ANKRD11: variants seen among roughly 807,000 people sequenced by gnomAD.
The protein encoded by ANKRD11 is ankyrin repeat domain 11.
Under a neutral mutation model 195.7 loss-of-function variants are expected in ANKRD11, and 17 were observed. That is an observed-to-expected ratio of 0.09 (90% CI 0.06 to 0.13). ANKRD11 has a LOEUF of 0.13. Among genes scored for constraint, ANKRD11 ranks in the 10% least tolerant of loss-of-function variants. The probability of loss-of-function intolerance (pLI) is 1.00; values close to 1 mark genes in which losing one functional copy is unlikely to be tolerated. For synonymous variants in ANKRD11, 1,953 were observed against 1,528.1 expected, an observed-to-expected ratio of 1.28 and a Z score of -6.49; for missense variants, 3,735 against 3,566.1, an observed-to-expected ratio of 1.05 and a Z score of -1.21.
chr16:89,325,870 C>T (rs1001511354), intron 2 of ANKRD11, among the ~76,000 whole-genome samples: 2 of 152,156 alleles, frequency 1.3e-5, no homozygotes, highest in African/African-American at 4.8e-5. Flanking sequence ...AAGGAGGGCC[C>T]CATCGCCCTG....
chr16:89,433,582 G>C (rs188355153), intron 1 of ANKRD11, among the ~76,000 whole-genome samples: 211 of 152,340 alleles, frequency 1.4e-3, no homozygotes, highest in African/African-American at 4.6e-3. Flanking sequence ...CGTGGGGGCT[G>C]GGCACACCAC....
intron 6 of ANKRD11, chr16:89,288,899 G>A (rs1254232259): frequency 1.6e-5 from 10 of 617,446 alleles, no homozygotes; most frequent in East Asian, 8.3e-5. Context: ...TTAACCCTAC[G>A]GACTGACAAC....
At chr16:89,327,589 G>C (rs2037801729) in intron 2 of ANKRD11, among the ~76,000 whole-genome samples, 3 of 152,026 alleles carry the variant, frequency 2.0e-5, no homozygotes, top group African/African-American at 7.3e-5. Flanking sequence ...ATGAAAACAA[G>C]AAATAAAGAC....
intron 2 of ANKRD11, among the ~76,000 whole-genome samples, chr16:89,386,763 G>C (rs1166251128): frequency 6.6e-6 from 1 of 152,170 alleles, no homozygotes; most frequent in African/African-American, 2.4e-5. Context: ...ATCCAAAATA[G>C]CACTGTAGAA....
chr16:89,443,796 T>TTAAGAAACAGATCTGCACAGGAAGG (rs2043644778), intron 1 of ANKRD11, among the ~76,000 whole-genome samples: 1 of 152,112 alleles, frequency 6.6e-6, no homozygotes. Flanking sequence ...CCAAGATGCA[T>TTAAGAAACAGATCTGCACAGGAAGG]TAAGAAACAG....
At chr16:89,270,941 G>A (rs900231977) in intron 11 of ANKRD11, 32 bp from the exon 12 acceptor site, 2 of 1,608,628 alleles carry the variant, frequency 1.2e-6, no homozygotes, top group African/African-American at 1.3e-5. Context: ...GTTTCATCAG[G>A]AGCCCCAGAG....
chr16:89,382,049 G>T (rs1244072958), intron 2 of ANKRD11, among the ~76,000 whole-genome samples: 1 of 152,212 alleles, frequency 6.6e-6, no homozygotes, highest in Non-Finnish European at 1.5e-5. Flanking sequence ...GCCCAGGGAA[G>T]GTGATGGGAA....
chr16:89,347,087 T>A (rs1042927870), intron 2 of ANKRD11, among the ~76,000 whole-genome samples: 2 of 151,360 alleles, frequency 1.3e-5, no homozygotes, highest in Non-Finnish European at 2.9e-5. Context: ...ACTGAGCACA[T>A]GGGCTGGGCT....
At position 89,284,349 on chromosome 16, in the gene ANKRD11, A is replaced by T; in HGVS notation, c.2193T>A (p.Ser731=). The T allele has an allele frequency of 6.2e-7, 1 of 1,613,826 alleles. No individual in the cohort carries two copies. Among genetic ancestry groups the T allele is most frequent in the Non-Finnish European group, 8.5e-7 (1 of 1,179,994 alleles). The change falls in exon 9 of 13, where the codon TCT becomes TCA. Residue 731 remains serine, a synonymous_variant. Coordinates refer to ENST00000301030, the MANE Select transcript of ANKRD11 (RefSeq NM_013275.6). ...TCGAACGGTCTTTCTCTTCTCGGAA[A>T]GACCTGCTGATGTCTTTGTTTGTGT... ...IKDTNKDISR[S]FREEKDRSNK...
Position 89,281,607 on chromosome 16 carries a change from C to T in ANKRD11, c.4935G>A (p.Leu1645=). 6.2e-7 allele frequency: 1 copy of T among 1,614,168 alleles called. No homozygotes were observed. Residue 1645 remains leucine (L), a synonymous_variant, in exon 9 of 13, where the codon CTG becomes CTA. Coordinates refer to ENST00000301030, the MANE Select transcript of ANKRD11 (RefSeq NM_013275.6). This position sits in a 1 kb window ranked among gnomAD's most constrained non-coding sequence, Gnocchi z 5.5. The part of the protein sequence containing the change: ...LDIPAKKPPG[L]DPPFKDKKLK... ...GCTTTTTGTCTTTAAATGGAGGGTC[C>T]AGCCCCGGCGGTTTCTTAGCAGGAA...
In ANKRD11 at chr16:89,288,612, C is replaced by A; in HGVS notation, c.660G>T (p.Leu220=). The change falls in exon 7 of 13, where the codon CTG becomes CTT. Residue 220 remains leucine, a synonymous_variant. Coordinates refer to ENST00000301030, the MANE Select transcript of ANKRD11 (RefSeq NM_013275.6). ...NRGYYDVAKQ[L]LAAGAEVNTK... ...TGTTCACCTCCGCACCTGCAGCCAG[C>A]AGCTGCTTCGCGACGTCGTAGTAGC... is the stretch of plus-strand genomic sequence containing the variant. The A allele has an allele frequency of 6.2e-7, 1 of 1,614,116 alleles. No homozygotes were observed. Among genetic ancestry groups the A allele is most frequent in the East Asian group, 2.2e-5 (1 of 44,882 alleles).
chr16:89,456,882 G>A (rs1367975746), intron 1 of ANKRD11, among the ~76,000 whole-genome samples: 1 of 151,740 alleles, frequency 6.6e-6, no homozygotes, highest in Non-Finnish European at 1.5e-5. Flanking sequence ...GTTGCACAAA[G>A]TTGTAAATGT....
intron 3 of ANKRD11, among the ~76,000 whole-genome samples, chr16:89,315,018 G>A (rs943341695): frequency 7.2e-5 from 11 of 152,108 alleles, no homozygotes; most frequent in East Asian, 5.8e-4. Flanking sequence ...TTTCACAGAC[G>A]TTCTGAGGTC....
Position 89,279,501 on chromosome 16 carries a change from C to T in ANKRD11, c.7041G>A (p.Gln2347=), listed in dbSNP as rs770957459. 3.7e-6 allele frequency: 5 copies of T among 1,369,372 alleles called. No individual in the cohort carries two copies. In the South Asian group the frequency reaches 3.9e-5, roughly 11 times the overall value. 84.8% of individuals were successfully genotyped at this position (1,369,372 alleles called of 1,614,324 possible). The change falls in exon 9 of 13, where the codon CAG becomes CAA. Residue 2347 remains glutamine (Q), a synonymous_variant. Transcript: ENST00000301030. The surrounding 1 kb of genome is among the most constrained non-coding windows in gnomAD (Gnocchi z 5.6). ...CGGAGGGGGGCGGGCCCTGCTTGCT[C>T]TGGTTCGCGAGCATCTGCGCCCGGT... ...TRNRAQMLAN[Q]SKQGPPPSEK...
At chr16:89,307,155 C>A (rs1280013478) in intron 3 of ANKRD11, among the ~76,000 whole-genome samples, 1 of 152,172 alleles carries the variant, frequency 6.6e-6, no homozygotes, top group African/African-American at 2.4e-5. Flanking sequence ...CTGTAACTTT[C>A]CCTAGGTAAG....
chr16:89,357,119 T>C (rs2039520266), intron 2 of ANKRD11, among the ~76,000 whole-genome samples: 1 of 152,022 alleles, frequency 6.6e-6, no homozygotes, highest in South Asian at 2.1e-4. Flanking sequence ...GGAGGGACAG[T>C]GTAAGGAAGG....
intron 12 of ANKRD11, 135 bp from the exon 13 acceptor site, chr16:89,268,798 G>T: frequency 9.9e-7 from 1 of 1,007,978 alleles, no homozygotes; most frequent in Non-Finnish European, 1.5e-6. Flanking sequence ...AGGCCCAGCT[G>T]TACCCGCTCC....
In ANKRD11 at chr16:89,330,708, T is replaced by C. The variant is rs868367870; in HGVS notation, c.-59-13630A>G. Among the ~76,000 whole-genome samples, 23 of 120,700 alleles carry C rather than the reference T, an allele frequency of 1.9e-4. 2 individuals are homozygous for C. In the South Asian group the frequency reaches 5.9e-3, roughly 31 times the overall value. The allele number at this position is 120,700 out of a possible 152,430, so 79.2% of individuals were successfully genotyped here. ...GGAGGAAGCTGCAGCATCTCTTGTA[T>C]CGGAAGTCCCACGGCTTCACTTCCA... On this transcript the variant is annotated intron_variant, in intron 2 of 12. Transcript: ENST00000301030.
intron 1 of ANKRD11, among the ~76,000 whole-genome samples, chr16:89,437,161 A>G (rs764543499): frequency 1.3e-5 from 2 of 152,226 alleles, no homozygotes; most frequent in Non-Finnish European, 2.9e-5. Context: ...TCCATCACTG[A>G]AAGCGCAGCA....
Sources: gnomAD v4.1 joint callset for allele counts (sites outside exome capture counted in the v4.1 genomes callset) on GRCh38, gnomAD v4.1.1 for gene constraint, Gnocchi (gnomAD v3.1) non-coding constraint, MANE v1.5 for transcripts, NCBI Gene and HGNC (gene_info 2026-07-23, HGNC 2026-07-21) for gene names.